Variants in CHRM3 observed in about 807,000 individuals in gnomAD.
CHRM3 encodes cholinergic receptor muscarinic 3.
A neutral mutation model predicts 41.8 loss-of-function variants in CHRM3; 11 were observed. The ratio of observed to expected loss-of-function variants is 0.26; its 90% confidence interval spans 0.17 to 0.44. The LOEUF is 0.44. CHRM3 is among the 20% of genes least tolerant of loss of function. The pLI, the probability that CHRM3 is intolerant of heterozygous loss-of-function variation, is 1.00. For missense variants in CHRM3, 571 were observed against 745.4 expected, an observed-to-expected ratio of 0.77 and a Z score of 2.72; for synonymous variants, 297 against 301.4, an observed-to-expected ratio of 0.99 and a Z score of 0.15.
At chr1:239,441,537 C>CAT (rs1166666251) in intron 1 of CHRM3, among the ~76,000 whole-genome samples, 2 of 152,176 alleles carry the variant, frequency 1.3e-5, no homozygotes, top group Non-Finnish European at 2.9e-5. Context: ...CTATAGTTCA[C>CAT]ATATCTGTCT....
intron 5 of CHRM3, among the ~76,000 whole-genome samples, chr1:239,713,857 C>T (rs1375692679): frequency 6.6e-6 from 1 of 152,086 alleles, no homozygotes; most frequent in African/African-American, 2.4e-5. Flanking sequence ...AACGGTGTTC[C>T]ATTAAATTGT....
intron 4 of CHRM3, among the ~76,000 whole-genome samples, chr1:239,663,080 G>A (rs1306144914): frequency 6.6e-6 from 1 of 151,048 alleles, no homozygotes; most frequent in East Asian, 1.9e-4. Flanking sequence ...GCTGTGTTTG[G>A]GAAGCAGAAG....
chr1:239,851,113 T>C (rs1674664047), intron 6 of CHRM3, among the ~76,000 whole-genome samples: 1 of 152,184 alleles, frequency 6.6e-6, no homozygotes, highest in African/African-American at 2.4e-5. Flanking sequence ...AAACTCACTT[T>C]GACTACTTTC....
At chr1:239,681,215 A>G (rs1658531186) in intron 5 of CHRM3, among the ~76,000 whole-genome samples, 1 of 152,170 alleles carries the variant, frequency 6.6e-6, no homozygotes, top group Non-Finnish European at 1.5e-5. Flanking sequence ...CAGCCAAACC[A>G]TATCACCATT....
intron 5 of CHRM3, among the ~76,000 whole-genome samples, chr1:239,731,105 A>G (rs1663924333): frequency 6.6e-6 from 1 of 151,958 alleles, no homozygotes; most frequent in South Asian, 2.1e-4. Flanking sequence ...AAAGAAGACA[A>G]TTGGGGAAGA....
intron 1 of CHRM3, among the ~76,000 whole-genome samples, chr1:239,445,490 GC>G (rs1221382745): frequency 6.6e-6 from 1 of 152,198 alleles, no homozygotes; most frequent in Non-Finnish European, 1.5e-5. Flanking sequence ...CTTTGTACAT[GC>G]CTCTGTTGCG....
At chr1:239,518,121 C>G (rs1442128961) in intron 2 of CHRM3, among the ~76,000 whole-genome samples, 2 of 152,104 alleles carry the variant, frequency 1.3e-5, no homozygotes, top group Non-Finnish European at 2.9e-5. Context: ...ACAACGACAA[C>G]AACAACAACA....
chr1:239,860,315 T>C (rs1248800082), intron 6 of CHRM3, among the ~76,000 whole-genome samples: 2 of 152,194 alleles, frequency 1.3e-5, no homozygotes, highest in Admixed American at 6.5e-5. Context: ...AAAAGTACTA[T>C]ACAAAAACAT....
At chr1:239,862,032 T>C (rs1442087452) in intron 6 of CHRM3, among the ~76,000 whole-genome samples, 1 of 152,148 alleles carries the variant, frequency 6.6e-6, no homozygotes, top group East Asian at 1.9e-4. Context: ...TTTCCAAAAA[T>C]TAGGGGAATG....
At chr1:239,797,617 T>C (rs970761402) in intron 5 of CHRM3, among the ~76,000 whole-genome samples, 1 of 152,226 alleles carries the variant, frequency 6.6e-6, no homozygotes, top group African/African-American at 2.4e-5. Context: ...TCGGGTCTAT[T>C]TCCTTTTGTT....
intron 3 of CHRM3, among the ~76,000 whole-genome samples, chr1:239,591,427 A>T (rs1339949308): frequency 6.6e-6 from 1 of 152,164 alleles, no homozygotes; most frequent in Admixed American, 6.6e-5. Flanking sequence ...TATAGCTGGA[A>T]TCACCTGCGC....
chr1:239,439,686 C>G (rs1663554161), intron 1 of CHRM3, among the ~76,000 whole-genome samples: 1 of 152,090 alleles, frequency 6.6e-6, no homozygotes, highest in Admixed American at 6.6e-5. Flanking sequence ...AAGTTTAAGA[C>G]TTGTTGGTTG....
rs374479816 is a variant in CHRM3, at chr1:239,580,258, TCACACACACACACACACA to T, written c.-313+34542_-313+34559del. Among the ~76,000 whole-genome samples the T allele has an allele frequency of 3.9e-4, 52 of 132,776 alleles. 1 individual carries two copies. The highest frequency in any genetic ancestry group is 8.1e-4 in the South Asian group (3 of 3,692). The allele number at this position is 132,776 out of a possible 152,430, so 87.1% of individuals were successfully genotyped here. A position where few individuals can be genotyped will look rare whatever the true frequency, so the allele number is the denominator to read the frequency against. Reference sequence around the variant, plus strand: ...TGTACTACCTGGAAAATACACACTGTCACACACACACACACACACACACACACACACACACACACACAC... The same window carrying T: ...TGTACTACCTGGAAAATACACACTGTCACACACACACACACACACACACAC... On this transcript the variant is annotated intron_variant, in intron 3 of 6. Coordinates refer to ENST00000676153, the MANE Select transcript of CHRM3 (RefSeq NM_001375978.1).
intron 5 of CHRM3, among the ~76,000 whole-genome samples, chr1:239,808,825 G>A (rs893728501): frequency 6.6e-6 from 1 of 152,118 alleles, no homozygotes; most frequent in Non-Finnish European, 1.5e-5. Context: ...AGAAACGACT[G>A]CTTGTATTGG....
At chr1:239,446,129 G>A (rs188355310) in intron 1 of CHRM3, among the ~76,000 whole-genome samples, 7 of 152,264 alleles carry the variant, frequency 4.6e-5, no homozygotes, top group African/African-American at 1.7e-4. Context: ...TAGAGATGGG[G>A]TTTCACCATG....
At chr1:239,734,841 T>C (rs10925962) in intron 5 of CHRM3, among the ~76,000 whole-genome samples, 6,356 of 152,194 alleles carry the variant, frequency 0.042, 177 homozygotes, top group East Asian at 0.076. Context: ...GGAACTTAGA[T>C]GAAATAAGAT....
intron 5 of CHRM3, among the ~76,000 whole-genome samples, chr1:239,733,581 G>A (rs539527618): frequency 6.6e-6 from 1 of 152,126 alleles, no homozygotes; most frequent in East Asian, 1.9e-4. Flanking sequence ...TCAGGCTCTG[G>A]AGATGCATAT....
intron 3 of CHRM3, among the ~76,000 whole-genome samples, chr1:239,604,466 A>G (rs1665998914): frequency 6.6e-6 from 1 of 152,210 alleles, no homozygotes; most frequent in African/African-American, 2.4e-5. Context: ...AATTATTGAG[A>G]AATGGAAAGA....
At chr1:239,880,423 ATAT>A (rs1162047321) in intron 6 of CHRM3, among the ~76,000 whole-genome samples, 1 of 152,222 alleles carries the variant, frequency 6.6e-6, no homozygotes, top group Non-Finnish European at 1.5e-5. Context: ...ATAATCAGAG[ATAT>A]TATCTATATA....
Sources: gnomAD v4.1 joint callset for allele counts (sites outside exome capture counted in the v4.1 genomes callset) on GRCh38, gnomAD v4.1.1 for gene constraint, MANE v1.5 for transcripts, NCBI Gene and HGNC (gene_info 2026-07-23, HGNC 2026-07-21) for gene names.